Variants in ADCK5 observed in about 807,000 individuals in gnomAD.
ADCK5 encodes the protein aarF domain containing kinase 5, also known as uncharacterized aarF domain-containing protein kinase 5.
ADCK5 carries 43 observed loss-of-function variants against 64.9 expected under a neutral mutation model. The observed-to-expected ratio is 0.66, with a 90% CI of 0.52 to 0.85. The LOEUF (loss-of-function observed/expected upper bound fraction) is 0.85. Ranked by LOEUF, ADCK5 falls within the 40% of genes least tolerant of loss-of-function variation. ADCK5 has a pLI of 0.00. For missense variants in ADCK5, 760 were observed against 810.5 expected (o/e 0.94, Z 0.76); for synonymous variants, 434 against 342.8 (o/e 1.27, Z -2.94).
At chr8:144,392,410 G>A (rs1820308332) in intron 12 of ADCK5, 35 bp from the exon 13 acceptor site, 2 of 1,487,916 alleles carry the variant, frequency 1.3e-6, no homozygotes, top group African/African-American at 2.8e-5. Flanking sequence ...AACCCACTCA[G>A]AGCCCCCTCC....
At chr8:144,386,672 G>A (rs782335876) in intron 3 of ADCK5, among the ~76,000 whole-genome samples, 8 of 152,160 alleles carry the variant, frequency 5.3e-5, no homozygotes, top group African/African-American at 1.7e-4. Flanking sequence ...TGGAGTTTTT[G>A]TTGGGGTATT....
At chr8:144,377,347 A>G (rs1023851312) in intron 1 of ADCK5, 1 of 151,952 alleles carries the variant, frequency 6.6e-6, no homozygotes, top group African/African-American at 2.4e-5. Context: ...GGGCTTCTTT[A>G]TTTATGTATT....
In ADCK5 at chr8:144,376,629, G is replaced by A. The variant is rs962376128; in HGVS notation, c.12+2522G>A. 3.9e-5 allele frequency among the ~76,000 whole-genome samples: 6 copies of A among 152,230 alleles called. No individual in the cohort carries two copies. The highest frequency in any genetic ancestry group is 1.2e-4 in the African/African-American group (5 of 41,458). On this transcript the variant is annotated intron_variant, in intron 1 of 14. Transcript: ENST00000308860. This position sits in a 1 kb window ranked among gnomAD's most constrained non-coding sequence, Gnocchi z 5.1. ...CTGTTTGGTGGAGCCTGTGGAAACA[G>A]CTTGCGTTGCTGGTCATGGATGAGG... is the stretch of plus-strand genomic sequence containing the variant.
At chr8:144,388,516 G>A (rs930156572) in intron 3 of ADCK5, among the ~76,000 whole-genome samples, 4 of 150,150 alleles carry the variant, frequency 2.7e-5, no homozygotes, top group Non-Finnish European at 5.9e-5. Context: ...TGTAATCCCA[G>A]CACTTTGGGA....
intron 3 of ADCK5, among the ~76,000 whole-genome samples, chr8:144,385,879 G>T (rs892487146): frequency 2.8e-5 from 4 of 144,514 alleles, no homozygotes; most frequent in Admixed American, 2.8e-4. Flanking sequence ...CAGGAGAATG[G>T]CGTGAACCCG....
Position 144,384,319 on chromosome 8 carries a change from C to T in ADCK5, c.266+1089C>T, listed in dbSNP as rs1819814873. Among the ~76,000 whole-genome samples the T allele has an allele frequency of 6.6e-6, 1 of 152,120 alleles. No individual in the cohort carries two copies. The highest frequency in any genetic ancestry group is 2.4e-5 in the African/African-American group (1 of 41,416). On this transcript the variant is annotated intron_variant, in intron 3 of 14. Coordinates refer to ENST00000308860, the MANE Select transcript of ADCK5 (RefSeq NM_174922.5). This position sits in a 1 kb window ranked among gnomAD's most constrained non-coding sequence, Gnocchi z 5.7. ...TGCCAGGCCTAGGTCAGTTTCTCAG[C>T]AAGTGCCTCGGCTTCTGGTGCCTTC...
intron 1 of ADCK5, among the ~76,000 whole-genome samples, chr8:144,377,663 C>T (rs11994841): frequency 0.042 from 6,439 of 152,272 alleles, 471 homozygotes; most frequent in African/African-American, 0.15. Context: ...GACTTCTTTA[C>T]GTGTGTCCTG....
At chr8:144,382,705 C>T (rs1554858517) in intron 2 of ADCK5, among the ~76,000 whole-genome samples, 1 of 152,234 alleles carries the variant, frequency 6.6e-6, no homozygotes, top group Non-Finnish European at 1.5e-5. Flanking sequence ...CCAGTTGAAT[C>T]CTGCGAGGTG....
upstream of ADCK5, among the ~76,000 whole-genome samples, chr8:144,373,589 G>A (rs530641025): frequency 6.6e-6 from 1 of 152,314 alleles, no homozygotes; most frequent in East Asian, 1.9e-4. Flanking sequence ...GGACCCCTTT[G>A]GCCACTCTCC....
At chr8:144,388,270 T>G (rs1820013852) in intron 3 of ADCK5, among the ~76,000 whole-genome samples, 2 of 148,252 alleles carry the variant, frequency 1.3e-5, no homozygotes, top group South Asian at 4.3e-4. Context: ...GGCGGGAGAA[T>G]TGCTTGAACC....
chr8:144,374,963 G>A (rs903325891), intron 1 of ADCK5, among the ~76,000 whole-genome samples: 23 of 152,364 alleles, frequency 1.5e-4, no homozygotes, highest in Non-Finnish European at 2.5e-4. Flanking sequence ...GGCTCCCAGC[G>A]CCGTTCCTTT....
chr8:144,388,227 G>T (rs1820010517), intron 3 of ADCK5, among the ~76,000 whole-genome samples: 1 of 150,616 alleles, frequency 6.6e-6, no homozygotes, highest in African/African-American at 2.4e-5. Flanking sequence ...GCATGTGGTG[G>T]GCACCTGTAG....
In ADCK5 at chr8:144,388,617, T is replaced by A. The variant is rs542194471; in HGVS notation, c.267-2054T>A. Among the ~76,000 whole-genome samples, 6 of 151,684 alleles carry A rather than the reference T, an allele frequency of 4.0e-5. No individual in the cohort carries two copies. The South Asian group carries it at 6.3e-4, about 16-fold the overall frequency. On this transcript the variant is annotated intron_variant, in intron 3 of 14. Transcript: ENST00000308860. ...ATCTCTACTAAAAATACAAAAAAATTAGCCGGGCGTGGTGTTGGGCGCCTG... is the reference window on the plus strand; with the variant it reads ...ATCTCTACTAAAAATACAAAAAAATAAGCCGGGCGTGGTGTTGGGCGCCTG...
intron 3 of ADCK5, among the ~76,000 whole-genome samples, chr8:144,388,835 G>C (rs1269259101): frequency 1.3e-5 from 2 of 152,222 alleles, no homozygotes; most frequent in Non-Finnish European, 2.9e-5. Context: ...ACGGGGGCCA[G>C]AGTGGGGCCT....
chr8:144,377,019 G>C (rs782404324), intron 1 of ADCK5, among the ~76,000 whole-genome samples: 2 of 152,244 alleles, frequency 1.3e-5, no homozygotes, highest in South Asian at 2.1e-4. Flanking sequence ...AGGGCTCTGA[G>C]CTCTGGCCAA....
chr8:144,393,198 G>A lies in ADCK5; in HGVS notation c.*124G>A. 2 of 1,352,536 alleles carry A rather than the reference G, an allele frequency of 1.5e-6. No individual in the cohort carries two copies. The highest frequency in any genetic ancestry group is 2.0e-6 in the Non-Finnish European group (2 of 1,010,702). 83.8% of individuals were successfully genotyped at this position (1,352,536 alleles called of 1,614,324 possible). On this transcript the variant is annotated 3_prime_UTR_variant, in exon 15 of 15. Coordinates refer to ENST00000308860, the MANE Select transcript of ADCK5 (RefSeq NM_174922.5). ...ACTGGGGGGCTGTGACAGCAGCTGGGCCAGGAGGCCGTGTAATGACCACAC... is the reference window on the plus strand; with the variant it reads ...ACTGGGGGGCTGTGACAGCAGCTGGACCAGGAGGCCGTGTAATGACCACAC...
At chr8:144,377,735 G>A (rs948433145) in intron 1 of ADCK5, among the ~76,000 whole-genome samples, 44 of 152,200 alleles carry the variant, frequency 2.9e-4, no homozygotes, top group African/African-American at 8.7e-4. Flanking sequence ...TGTCTGTGGG[G>A]TCTCAGTAAG....
intron 1 of ADCK5, chr8:144,377,297 C>T (rs1192348587): frequency 6.6e-6 from 1 of 152,148 alleles, no homozygotes; most frequent in African/African-American, 2.4e-5. Flanking sequence ...TTCATAGTCA[C>T]AAAAATAAAG....
Position 144,384,101 on chromosome 8 carries a change from A to G in ADCK5, c.266+871A>G, listed in dbSNP as rs551122047. Among the ~76,000 whole-genome samples, 522 of 151,634 alleles carry G rather than the reference A, an allele frequency of 3.4e-3. No homozygotes were observed. The highest frequency in any genetic ancestry group is 5.1e-3 in the Non-Finnish European group (343 of 67,896). ...TTATTTATTTAGTATTTTTAGTAGA[A>G]ACGGGGTTTCACTGTGTTAGCCAGG... On this transcript the variant is annotated intron_variant, in intron 3 of 14. Coordinates refer to ENST00000308860, the MANE Select transcript of ADCK5 (RefSeq NM_174922.5). The surrounding 1 kb of genome is among the most constrained non-coding windows in gnomAD (Gnocchi z 5.7).
Sources: gnomAD v4.1 joint callset for allele counts (sites outside exome capture counted in the v4.1 genomes callset) on GRCh38, gnomAD v4.1.1 for gene constraint, Gnocchi (gnomAD v3.1) non-coding constraint, MANE v1.5 for transcripts, NCBI Gene and HGNC (gene_info 2026-07-23, HGNC 2026-07-21) for gene names.